The following ME3 variants were observed in gnomAD, a reference collection of about 807,000 sequenced individuals.
ME3 encodes the protein NADP-dependent malic enzyme, mitochondrial.
ME3 carries 48 observed loss-of-function variants against 68.9 expected under a neutral mutation model. The ratio of observed to expected loss-of-function variants is 0.70; its 90% CI spans 0.55 to 0.89. The LOEUF (loss-of-function observed/expected upper bound fraction) is 0.89. Ranked by LOEUF, ME3 falls within the 40% of genes least tolerant of loss-of-function variation. The pLI is 0.00. For synonymous variants in ME3, 320 were observed against 318.8 expected (o/e 1.00, Z -0.04); for missense variants, 675 against 797.4 (o/e 0.85, Z 1.85).
chr11:86,510,071 A>C (rs944688045), intron 4 of ME3, among the ~76,000 whole-genome samples: 3 of 152,236 alleles, frequency 2.0e-5, no homozygotes, highest in African/African-American at 4.8e-5. Flanking sequence ...ATTTCTTGCC[A>C]GGACTGTTCT....
intron 8 of ME3, among the ~76,000 whole-genome samples, chr11:86,453,526 T>TC (rs960291931): frequency 4.0e-5 from 6 of 151,700 alleles, no homozygotes; most frequent in South Asian, 2.1e-4. Context: ...ATAATATGCT[T>TC]CCCCCCCACC....
intron 2 of ME3, among the ~76,000 whole-genome samples, chr11:86,619,005 G>A (rs1323633961): frequency 1.3e-5 from 2 of 152,114 alleles, no homozygotes; most frequent in East Asian, 1.9e-4. Context: ...CACCGTGCCT[G>A]GCCAAGATCT....
At chr11:86,607,137 C>T (rs926136029) in intron 2 of ME3, among the ~76,000 whole-genome samples, 1 of 152,140 alleles carries the variant, frequency 6.6e-6, no homozygotes, top group African/African-American at 2.4e-5. Context: ...AGCACTGCTT[C>T]CTGAAACAAT....
chr11:86,516,274 A>G (rs907091273), intron 4 of ME3, among the ~76,000 whole-genome samples: 1 of 152,184 alleles, frequency 6.6e-6, no homozygotes, highest in Non-Finnish European at 1.5e-5. Flanking sequence ...CTACCTATGG[A>G]ATCCAGGGTT....
intron 2 of ME3, among the ~76,000 whole-genome samples, chr11:86,565,311 A>C (rs1458027298): frequency 6.6e-6 from 1 of 152,218 alleles, no homozygotes; most frequent in Non-Finnish European, 1.5e-5. Flanking sequence ...GCCTGTATGG[A>C]AAGCGTAGTG....
At chr11:86,464,860 C>T (rs1250014099) in intron 8 of ME3, among the ~76,000 whole-genome samples, 3 of 152,200 alleles carry the variant, frequency 2.0e-5, no homozygotes, top group Non-Finnish European at 1.5e-5. Context: ...ATAATTCTTA[C>T]CTACCTCTGA....
chr11:86,475,874 T>TATATATATATATATAG, intron 7 of ME3, among the ~76,000 whole-genome samples: 14 of 91,462 alleles, frequency 1.5e-4, no homozygotes, highest in Non-Finnish European at 2.1e-4. Flanking sequence ...TATATATATA[T>TATATATATATATATAG]AGAGAGAGAG....
intron 2 of ME3, among the ~76,000 whole-genome samples, chr11:86,651,576 C>A (rs912815517): frequency 5.9e-5 from 9 of 152,186 alleles, no homozygotes; most frequent in Non-Finnish European, 8.8e-5. Flanking sequence ...AGGACATCCA[C>A]ACCAAAACTC....
intron 6 of ME3, among the ~76,000 whole-genome samples, chr11:86,492,177 A>T (rs1460633418): frequency 6.6e-6 from 1 of 152,234 alleles, no homozygotes; most frequent in Non-Finnish European, 1.5e-5. Flanking sequence ...TCTGTTAAAT[A>T]GGGAATAATG....
At chr11:86,550,456 C>T (rs990201300) in intron 4 of ME3, among the ~76,000 whole-genome samples, 3 of 152,160 alleles carry the variant, frequency 2.0e-5, no homozygotes, top group Non-Finnish European at 4.4e-5. Flanking sequence ...AGTGCTCTCC[C>T]TATAACAGCC....
rs372816699 is a variant in ME3, at chr11:86,533,957, A to G, written c.467+22596T>C. Among the ~76,000 whole-genome samples, 12 of 152,116 alleles carry G rather than the reference A, an allele frequency of 7.9e-5. No individual in the cohort carries two copies. In the East Asian group the frequency reaches 1.7e-3, roughly 22 times the overall value. On this transcript the variant is annotated intron_variant, in intron 4 of 14. Coordinates refer to ENST00000543262, the Ensembl canonical transcript of ME3. ...CATAGCCTATTGCTCCTAGGCTACA[A>G]ACATGTACATCATGTTACTGTACTG...
intron 2 of ME3, among the ~76,000 whole-genome samples, chr11:86,621,820 C>T (rs1943368543): frequency 6.6e-6 from 1 of 151,776 alleles, no homozygotes. Context: ...TGAAATAAAT[C>T]AAAATATAAA....
chr11:86,645,515 G>A (rs1944948405), intron 2 of ME3, among the ~76,000 whole-genome samples: 1 of 152,196 alleles, frequency 6.6e-6, no homozygotes, highest in South Asian at 2.1e-4. Context: ...TCCCCTTTGG[G>A]CAGGGCATCT....
intron 6 of ME3, among the ~76,000 whole-genome samples, chr11:86,497,319 A>T (rs1452879069): frequency 6.6e-6 from 1 of 152,124 alleles, no homozygotes; most frequent in Non-Finnish European, 1.5e-5. Context: ...GATAAATGTA[A>T]TTAAGAGGGA....
In ME3 at chr11:86,579,821, A is replaced by G. The variant is rs951362099; in HGVS notation, c.184-19998T>C. On this transcript the variant is annotated intron_variant, in intron 2 of 14. Transcript: ENST00000543262. ...ATGCAGATCTAAAATTAATAGAGAA[A>G]CTCAAAGGTCAATGGATTCCAAGTT... 3.9e-4 allele frequency among the ~76,000 whole-genome samples: 60 copies of G among 152,346 alleles called. 1 individual carries two copies. The highest frequency in any genetic ancestry group is 8.1e-4 in the Non-Finnish European group (55 of 68,032).
chr11:86,603,528 A>T (rs1305572867), intron 2 of ME3, among the ~76,000 whole-genome samples: 4 of 152,342 alleles, frequency 2.6e-5, no homozygotes, highest in Admixed American at 2.0e-4. Context: ...CCTGTGGAAG[A>T]CAGTGTGGCG....
intron 2 of ME3, among the ~76,000 whole-genome samples, chr11:86,593,305 T>C (rs1277509965): frequency 1.4e-5 from 2 of 141,056 alleles, no homozygotes; most frequent in African/African-American, 2.6e-5. Context: ...TCCTAACCTG[T>C]TGGAATTTTA....
chr11:86,436,634 T>G (rs1164394010), downstream of ME3: 5 of 152,176 alleles, frequency 3.3e-5, no homozygotes, highest in Admixed American at 2.6e-4. Flanking sequence ...CAGTTTTAGC[T>G]CTCACATTTA....
intron 10 of ME3, 22 bp downstream of exon 10, chr11:86,449,867 C>T: frequency 6.4e-7 from 1 of 1,563,372 alleles, no homozygotes. Flanking sequence ...AGGAAACCTC[C>T]AGGTCTCCAG....
Sources: allele counts gnomAD v4.1 joint callset (sites outside exome capture counted in the v4.1 genomes callset), GRCh38; gene constraint gnomAD v4.1.1; transcripts MANE v1.5; gene names NCBI Gene and HGNC (gene_info 2026-07-23, HGNC 2026-07-21).